SLX4: variants seen among roughly 807,000 people sequenced by gnomAD.
SLX4 encodes SLX4 structure-specific endonuclease subunit.
SLX4 carries 112 observed loss-of-function variants against 146.2 expected under a neutral mutation model. That is an observed-to-expected ratio of 0.77 (90% CI 0.66 to 0.90). The LOEUF is 0.90. Ranked by LOEUF, SLX4 falls within the 40% of genes least tolerant of loss-of-function variation. The probability of loss-of-function intolerance (pLI) is 0.00; values close to 1 mark genes in which losing one functional copy is unlikely to be tolerated. For synonymous variants in SLX4, 1,061 were observed against 997.7 expected (o/e 1.06, Z -1.20); for missense variants, 2,563 against 2,392.7 (o/e 1.07, Z -1.49).
chr16:3,602,442 C>T, intron 3 of SLX4, 135 bp from the exon 4 acceptor site: 1 of 1,009,128 alleles, frequency 9.9e-7, no homozygotes. Context: ...CTCCACTCTG[C>T]AGGCTGGTGA....
In SLX4 at chr16:3,591,202, G is replaced by C. The variant is rs769330696; in HGVS notation, c.2436C>G (p.Ala812=). 3.1e-6 allele frequency: 5 copies of C among 1,613,820 alleles called. No individual in the cohort carries two copies. The highest frequency in any genetic ancestry group is 4.2e-6 in the Non-Finnish European group (5 of 1,180,032). Residue 812 remains alanine (A), a synonymous_variant, in exon 12 of 15, where the codon GCC becomes GCG. Transcript: ENST00000294008. Reference sequence around the variant, plus strand: ...ACCTCAAGAGTTCCTGGAAATTCTCGGCCCTGCTTTCGCAATTCTCTGCTT... The same window carrying C: ...ACCTCAAGAGTTCCTGGAAATTCTCCGCCCTGCTTTCGCAATTCTCTGCTT... ...EKEAENCESR[A]ENFQELLRSM...
At position 3,611,403 on chromosome 16, in the gene SLX4, T is replaced by A. The variant is rs566452558; in HGVS notation, c.-603+157A>T. Reference sequence around the variant, plus strand: ...TCTCCACCCGAGTGCGGCTCCTGCCTCTCCGTCGGGGCTGCGGGCCTGCCG... The same window carrying A: ...TCTCCACCCGAGTGCGGCTCCTGCCACTCCGTCGGGGCTGCGGGCCTGCCG... On this transcript the variant is annotated intron_variant, in intron 1 of 14. Transcript: ENST00000294008. Among the ~76,000 whole-genome samples the A allele has an allele frequency of 2.6e-5, 4 of 152,228 alleles. No individual in the cohort carries two copies. The South Asian group carries it at 8.3e-4, about 32-fold the overall frequency.
At chr16:3,600,784 C>G in intron 5 of SLX4, 195 bp downstream of exon 5, 1 of 575,294 alleles carries the variant, frequency 1.7e-6, no homozygotes, top group Non-Finnish European at 3.1e-6. Context: ...TTAGTAGAGA[C>G]GAGATTGTAC....
chr16:3,605,278 A>C (rs971564890), intron 3 of SLX4, among the ~76,000 whole-genome samples: 10 of 151,934 alleles, frequency 6.6e-5, no homozygotes, highest in African/African-American at 2.4e-4. Flanking sequence ...TTTCATAGAG[A>C]TGGGGTTTCA....
At position 3,609,035 on chromosome 16, in the gene SLX4, C is replaced by G; in HGVS notation, c.-71G>C. On this transcript the variant is annotated 5_prime_UTR_variant, in exon 2 of 15. Transcript: ENST00000294008. ...CAATTGAACAAAAAGTACTGTTTTC[C>G]TCTCTATAATGATTGAAGTATCTTT... is the stretch of plus-strand genomic sequence containing the variant. The G allele has an allele frequency of 6.6e-7, 1 of 1,524,828 alleles. No homozygotes were observed. The highest frequency in any genetic ancestry group is 8.9e-7 in the Non-Finnish European group (1 of 1,122,854). 94.5% of individuals were successfully genotyped at this position (1,524,828 alleles called of 1,614,324 possible).
rs749668095 is a variant in SLX4 at position 3,582,031 on chromosome 16, C to A, written c.*311G>T. 4.5e-6 allele frequency: 2 copies of A among 447,256 alleles called. No homozygotes were observed. Among genetic ancestry groups the A allele is most frequent in the Admixed American group, 3.7e-5 (1 of 26,944 alleles). The allele number at this position is 447,256 out of a possible 1,614,324, so 27.7% of individuals were successfully genotyped here. A position where few individuals can be genotyped will look rare whatever the true frequency, so the allele number is the denominator to read the frequency against. Reference sequence around the variant, plus strand: ...GCACTCCAGCCTAGGTGACACAGCACGACTGTCTCAAAAAGAAAAAAAAAA... The same window carrying A: ...GCACTCCAGCCTAGGTGACACAGCAAGACTGTCTCAAAAAGAAAAAAAAAA... On this transcript the variant is annotated 3_prime_UTR_variant, in exon 15 of 15. Transcript: ENST00000294008.
At chr16:3,606,350 A>C in intron 3 of SLX4, 124 bp downstream of exon 3, 1 of 1,068,340 alleles carries the variant, frequency 9.4e-7, no homozygotes, top group Non-Finnish European at 1.5e-6. Context: ...TGGCAAAGGT[A>C]AAACATCAAG....
In SLX4 at chr16:3,589,278, G is replaced by T; in HGVS notation, c.4360C>A (p.Pro1454Thr). The T allele has an allele frequency of 4.4e-6, 7 of 1,595,614 alleles. No homozygotes were observed. Among genetic ancestry groups the T allele is most frequent in the Non-Finnish European group, 6.0e-6 (7 of 1,169,406 alleles). The change falls in exon 12 of 15, where the codon CCC (proline) becomes ACC (threonine). Residue 1454 changes from proline to threonine, a missense_variant. Physicochemically the swap from Pro to Thr is conservative, Grantham distance 38. Transcript: ENST00000294008. This position sits in a 1 kb window ranked among gnomAD's most constrained non-coding sequence, Gnocchi z 6.2. ...GCGGCCTCGTTCATCCTGCGGCTGGGGCTGCTGGTGCTCAGGGGGCCGGTC... is the reference window on the plus strand; with the variant it reads ...GCGGCCTCGTTCATCCTGCGGCTGGTGCTGCTGGTGCTCAGGGGGCCGGTC... ...ERTGPLSTSSPSRRMNEAADS... is the reference protein window; with the variant it reads ...ERTGPLSTSSTSRRMNEAADS...
At chr16:3,583,650 A>G (rs1341896404) in intron 13 of SLX4, 140 bp from the exon 14 acceptor site, 2 of 897,022 alleles carry the variant, frequency 2.2e-6, no homozygotes, top group South Asian at 2.8e-5. Context: ...GACTTCTGTG[A>G]GCATCAGAGG....
intron 4 of SLX4, chr16:3,601,835 G>T: frequency 4.6e-6 from 2 of 430,688 alleles, no homozygotes; most frequent in South Asian, 4.4e-5. Flanking sequence ...CAATGGGTGT[G>T]GGGATTCTTT....
rs563512173 is a variant in SLX4, at chr16:3,609,300, C to A, written c.-336G>T. 2 of 274,592 alleles carry A rather than the reference C, an allele frequency of 7.3e-6. No homozygotes were observed. The highest frequency in any genetic ancestry group is 6.8e-5 in the East Asian group (1 of 14,742). 17.0% of individuals were successfully genotyped at this position (274,592 alleles called of 1,614,324 possible). A position where few individuals can be genotyped will look rare whatever the true frequency, so the allele number is the denominator to read the frequency against. On this transcript the variant is annotated 5_prime_UTR_variant, in exon 2 of 15. Transcript: ENST00000294008. ...GCAGATGCCTGTAATCCCAGCTACT[C>A]GGGAGGCAGAGGCAAGAGAATCGCT...
chr16:3,608,137 T>C (rs1243329512), intron 2 of SLX4, among the ~76,000 whole-genome samples: 3 of 152,304 alleles, frequency 2.0e-5, no homozygotes, highest in East Asian at 1.9e-4. Context: ...CTGGGCAACA[T>C]AGTGAGACCT....
At chr16:3,610,436 T>C (rs1368718742) in intron 1 of SLX4, among the ~76,000 whole-genome samples, 2 of 152,228 alleles carry the variant, frequency 1.3e-5, no homozygotes, top group Non-Finnish European at 2.9e-5. Context: ...ATCTATCGAA[T>C]GCTTACTGTG....
intron 3 of SLX4, 90 bp from the exon 4 acceptor site, chr16:3,602,397 G>T: frequency 1.3e-6 from 2 of 1,482,524 alleles, no homozygotes; most frequent in South Asian, 2.3e-5. Flanking sequence ...GCAGACCATG[G>T]GGAGCAGGTG....
In SLX4 at chr16:3,608,362, C is replaced by G. The variant is rs1673116094; in HGVS notation, c.535+68G>C. The G allele has an allele frequency of 3.2e-6, 5 of 1,586,108 alleles. No individual in the cohort carries two copies. In the East Asian group the frequency reaches 1.1e-4, roughly 35 times the overall value. On this transcript the variant is annotated intron_variant, in intron 2 of 14. Transcript: ENST00000294008. ...ACAGAGTCTGTGTGGCCTACAAAGC[C>G]AAAATATTTACGATCTGGCCCTTTC...
intron 13 of SLX4, 116 bp downstream of exon 13, chr16:3,584,653 C>T (rs1567167109): frequency 7.2e-6 from 6 of 832,216 alleles, no homozygotes; most frequent in East Asian, 2.4e-5. Context: ...AGGCCAGCTG[C>T]ATCCACCAGA....
intron 14 of SLX4, 57 bp downstream of exon 14, chr16:3,583,040 C>T (rs192310418): frequency 3.2e-5 from 51 of 1,595,300 alleles, no homozygotes; most frequent in African/African-American, 2.7e-4. Flanking sequence ...CCAACCCTCA[C>T]GCCCACGGGC....
intron 12 of SLX4, among the ~76,000 whole-genome samples, chr16:3,588,399 G>A (rs1346499543): frequency 6.6e-6 from 1 of 152,234 alleles, no homozygotes; most frequent in Non-Finnish European, 1.5e-5. Context: ...GTAGCGTGTG[G>A]CAGTGCCTCA....
chr16:3,587,602 G>A (rs531820231), intron 12 of SLX4, among the ~76,000 whole-genome samples: 16 of 152,292 alleles, frequency 1.1e-4, no homozygotes, highest in Admixed American at 2.6e-4. Flanking sequence ...CCGCAGCGTC[G>A]TCCTGAAGCC....
Sources: allele counts gnomAD v4.1 joint callset (sites outside exome capture counted in the v4.1 genomes callset), GRCh38; gene constraint gnomAD v4.1.1; non-coding constraint Gnocchi (gnomAD v3.1); transcripts MANE v1.5; gene names NCBI Gene and HGNC (gene_info 2026-07-23, HGNC 2026-07-21).